Variants in PLVAP observed in about 807,000 individuals in gnomAD.
PLVAP encodes plasmalemma vesicle-associated protein.
PLVAP carries 34 observed loss-of-function variants against 43.1 expected under a neutral mutation model. The observed-to-expected ratio is 0.79, with a 90% CI of 0.60 to 1.05. The LOEUF is 1.05. Ranked by LOEUF, PLVAP falls within the 50% of genes least tolerant of loss-of-function variation. PLVAP has a pLI of 0.00. For synonymous variants in PLVAP, 241 were observed against 237.3 expected, an observed-to-expected ratio of 1.02 and a Z score of -0.14; for missense variants, 574 against 593.4, an observed-to-expected ratio of 0.97 and a Z score of 0.34.
chr19:17,353,845 C>T (rs2074495420), intron 5 of PLVAP, among the ~76,000 whole-genome samples: 1 of 152,208 alleles, frequency 6.6e-6, no homozygotes, highest in Non-Finnish European at 1.5e-5. Flanking sequence ...GTTTCTGTGC[C>T]TTGTTCCCAG....
At chr19:17,353,083 T>C (rs900336095) in intron 5 of PLVAP, among the ~76,000 whole-genome samples, 8 of 152,168 alleles carry the variant, frequency 5.3e-5, no homozygotes, top group Non-Finnish European at 1.0e-4. Flanking sequence ...GGGTCAGGGG[T>C]TGGCTTAGAG....
chr19:17,369,024 C>A (rs1444957617), intron 1 of PLVAP, among the ~76,000 whole-genome samples: 1 of 152,060 alleles, frequency 6.6e-6, no homozygotes, highest in Non-Finnish European at 1.5e-5. Context: ...ACAGATCCTT[C>A]CCTCACAGCC....
intron 1 of PLVAP, among the ~76,000 whole-genome samples, chr19:17,371,343 T>A (rs866498157): frequency 1.3e-5 from 2 of 151,392 alleles, no homozygotes; most frequent in Non-Finnish European, 2.9e-5. Context: ...TGTATTTTAG[T>A]AGAGACGGGG....
chr19:17,370,001 T>TAAAAAAAA (rs763532839), intron 1 of PLVAP, among the ~76,000 whole-genome samples: 1 of 88,792 alleles, frequency 1.1e-5, no homozygotes, highest in African/African-American at 4.3e-5. Context: ...AGAGTCTGTC[T>TAAAAAAAA]AAAAAAAAAA....
Position 17,363,835 on chromosome 19 carries a change from C to T in PLVAP, c.1179+1451G>A, listed in dbSNP as rs560082678. On this transcript the variant is annotated intron_variant, in intron 3 of 5. Coordinates refer to ENST00000252590, the MANE Select transcript of PLVAP (RefSeq NM_031310.3). ...TTGGTTCACTGCAAGCTCTGCCTCC[C>T]GGGTTCACGCCATTCTCCCGCCTCA... is the stretch of plus-strand genomic sequence containing the variant. 9.3e-4 allele frequency among the ~76,000 whole-genome samples: 138 copies of T among 147,832 alleles called. 2 individuals are homozygous for T. Among genetic ancestry groups the T allele is most frequent in the African/African-American group, 3.1e-3 (122 of 39,976 alleles).
rs375094243 is a variant in PLVAP, at chr19:17,371,711, G to A, written c.369+5209C>T. ...TTGCCCAGGCTGGTCTTAAACTGCT[G>A]AGCTCAAGCAATCCACCCACCTTGG... is the stretch of plus-strand genomic sequence containing the variant. On this transcript the variant is annotated intron_variant, in intron 1 of 5. Transcript: ENST00000252590. Among the ~76,000 whole-genome samples the A allele has an allele frequency of 2.6e-5, 4 of 152,148 alleles. No homozygotes were observed. The South Asian group carries it at 6.2e-4, about 24-fold the overall frequency.
intron 5 of PLVAP, among the ~76,000 whole-genome samples, chr19:17,355,836 T>C (rs2074504731): frequency 6.6e-6 from 1 of 152,052 alleles, no homozygotes; most frequent in Non-Finnish European, 1.5e-5. Flanking sequence ...ACCCAGCCAT[T>C]ACTGTCTTTA....
intron 5 of PLVAP, among the ~76,000 whole-genome samples, chr19:17,357,140 C>T (rs991001678): frequency 2.6e-5 from 4 of 151,000 alleles, no homozygotes; most frequent in African/African-American, 9.8e-5. Flanking sequence ...GAAAAAGATA[C>T]AAAAATTAGC....
At chr19:17,360,392 A>ACATG in intron 5 of PLVAP, 136 bp downstream of exon 5, 2 of 884,350 alleles carry the variant, frequency 2.3e-6, no homozygotes, top group Non-Finnish European at 3.6e-6. Context: ...GCCCAACCAT[A>ACATG]CATGACCTAG....
At chr19:17,368,413 T>C (rs1158800475) in intron 1 of PLVAP, among the ~76,000 whole-genome samples, 2 of 151,772 alleles carry the variant, frequency 1.3e-5, no homozygotes, top group African/African-American at 4.8e-5. Flanking sequence ...GGTTTCACCA[T>C]GTTGGCCAGG....
At chr19:17,375,796 A>T (rs1323079947) in intron 1 of PLVAP, among the ~76,000 whole-genome samples, 1 of 151,088 alleles carries the variant, frequency 6.6e-6, no homozygotes, top group East Asian at 2.0e-4. Context: ...CAGGAGAATC[A>T]CTTGAACCTG....
rs937838948 is a variant in PLVAP at position 17,365,959 on chromosome 19, T to A, written c.506A>T (p.Glu169Val). The A allele has an allele frequency of 6.2e-7, 1 of 1,613,862 alleles. No homozygotes were observed. The highest frequency in any genetic ancestry group is 8.5e-7 in the Non-Finnish European group (1 of 1,179,902). ...FMLNQKVKTL[E>V]VEIAKEKTIC... Reference sequence around the variant, plus strand: ...GGTCTTCTCCTTGGCTATCTCCACCTCCAGCGTCTTCACCTTCTGATTCAG... The same window carrying A: ...GGTCTTCTCCTTGGCTATCTCCACCACCAGCGTCTTCACCTTCTGATTCAG... Residue 169 changes from glutamate (E) to valine (V), a missense_variant, in exon 3 of 6, where the codon GAG becomes GTG. Coordinates refer to ENST00000252590, the MANE Select transcript of PLVAP (RefSeq NM_031310.3).
chr19:17,360,872 G>A (rs745811749), intron 3 of PLVAP, 40 bp from the exon 4 acceptor site: 16 of 1,557,552 alleles, frequency 1.0e-5, no homozygotes, highest in Non-Finnish European at 1.4e-5. Context: ...AGGAGCCAGG[G>A]CTTCCCAGAC....
At chr19:17,355,529 ATTT>A (rs71162107) in intron 5 of PLVAP, among the ~76,000 whole-genome samples, 1 of 129,928 alleles carries the variant, frequency 7.7e-6, no homozygotes. Flanking sequence ...TGCCTGGTTA[ATTT>A]TTTTTTTTTT....
Position 17,365,967 on chromosome 19 carries a change from C to T in PLVAP, c.498G>A (p.Lys166=). The T allele has an allele frequency of 6.2e-7, 1 of 1,613,818 alleles. No individual in the cohort carries two copies. Among genetic ancestry groups the T allele is most frequent in the South Asian group, 1.1e-5 (1 of 91,086 alleles). ...CCTTGGCTATCTCCACCTCCAGCGT[C>T]TTCACCTTCTGATTCAGCATGAAGA... is the stretch of plus-strand genomic sequence containing the variant. The part of the protein sequence containing the change: ...ALLFMLNQKV[K]TLEVEIAKEK... Residue 166 remains lysine (K), a synonymous_variant, in exon 3 of 6, where the codon AAG becomes AAA. Coordinates refer to ENST00000252590, the MANE Select transcript of PLVAP (RefSeq NM_031310.3).
At chr19:17,368,693 A>G (rs566792103) in intron 1 of PLVAP, among the ~76,000 whole-genome samples, 1 of 151,896 alleles carries the variant, frequency 6.6e-6, no homozygotes, top group Admixed American at 6.6e-5. Context: ...AAGACCTGGA[A>G]CAGGCCGGCT....
At chr19:17,373,336 C>T (rs2145727348) in intron 1 of PLVAP, among the ~76,000 whole-genome samples, 1 of 152,010 alleles carries the variant, frequency 6.6e-6, no homozygotes, top group East Asian at 1.9e-4. Context: ...CAGGGCCCTA[C>T]CCCTGGGGCT....
At chr19:17,358,268 A>G (rs993774318) in intron 5 of PLVAP, among the ~76,000 whole-genome samples, 1 of 72,662 alleles carries the variant, frequency 1.4e-5, no homozygotes, top group African/African-American at 1.3e-4. Flanking sequence ...TGCAAGAAGG[A>G]AAAAAAAAAA....
At chr19:17,366,874 G>A (rs2074552480) in intron 1 of PLVAP, among the ~76,000 whole-genome samples, 1 of 150,562 alleles carries the variant, frequency 6.6e-6, no homozygotes, top group Admixed American at 6.7e-5. Flanking sequence ...GATCTCAGGT[G>A]ATCTGCCCGC....
Sources: allele counts gnomAD v4.1 joint callset (sites outside exome capture counted in the v4.1 genomes callset), GRCh38; gene constraint gnomAD v4.1.1; transcripts MANE v1.5; gene names NCBI Gene and HGNC (gene_info 2026-07-23, HGNC 2026-07-21).